BAG2: variants seen among roughly 807,000 people sequenced by gnomAD.
The protein encoded by BAG2 is BAG cochaperone 2, also known as BAG family molecular chaperone regulator 2.
BAG2 carries 8 observed loss-of-function variants against 16.4 expected under a neutral mutation model. That is an observed-to-expected ratio of 0.49 (90% CI 0.29 to 0.88). BAG2 has a LOEUF of 0.88. Ranked by LOEUF, BAG2 falls within the 40% of genes least tolerant of loss-of-function variation. BAG2 has a pLI of 0.09. For missense variants in BAG2, 218 were observed against 248.9 expected, an observed-to-expected ratio of 0.88 and a Z score of 0.84; for synonymous variants, 82 against 89.2, an observed-to-expected ratio of 0.92 and a Z score of 0.46.
At chr6:57,176,867 C>G (rs1382984356) in intron 1 of BAG2, among the ~76,000 whole-genome samples, 1 of 150,128 alleles carries the variant, frequency 6.7e-6, no homozygotes, top group Non-Finnish European at 1.5e-5. Flanking sequence ...GGCACATACT[C>G]TCTCTCCTAG....
chr6:57,175,876 C>T (rs1034659027), intron 1 of BAG2, among the ~76,000 whole-genome samples: 2 of 152,082 alleles, frequency 1.3e-5, no homozygotes, highest in African/African-American at 4.8e-5. Flanking sequence ...CAAGTTAAAC[C>T]CAAAGAGGGG....
intron 1 of BAG2, among the ~76,000 whole-genome samples, chr6:57,175,293 T>C (rs1764247682): frequency 6.6e-6 from 1 of 152,178 alleles, no homozygotes; most frequent in Non-Finnish European, 1.5e-5. Context: ...ATACAACGTT[T>C]TCCTGGCTCA....
intron 1 of BAG2, among the ~76,000 whole-genome samples, chr6:57,180,805 GTC>G (rs1202234667): frequency 3.3e-5 from 5 of 151,640 alleles, no homozygotes; most frequent in Admixed American, 1.3e-4. Context: ...CAAAATAAGA[GTC>G]TCTCTTTAGT....
chr6:57,174,634 A>T (rs988307791), intron 1 of BAG2, among the ~76,000 whole-genome samples: 2 of 152,052 alleles, frequency 1.3e-5, no homozygotes, highest in Admixed American at 6.5e-5. Context: ...TCTTCTTTTT[A>T]AAAAAGTAAT....
intron 1 of BAG2, among the ~76,000 whole-genome samples, chr6:57,174,814 T>C (rs563521727): frequency 1.3e-5 from 2 of 152,336 alleles, no homozygotes; most frequent in East Asian, 1.9e-4. Flanking sequence ...GAAACTCATA[T>C]GTAATTTTGC....
In BAG2 at chr6:57,173,458, C is replaced by T. The variant is rs1030654796; in HGVS notation, c.113+648C>T. The T allele has an allele frequency of 3.0e-6, 3 of 985,248 alleles. No individual in the cohort carries two copies. In the African/African-American group the frequency reaches 5.2e-5, roughly 17 times the overall value. 61.0% of individuals were successfully genotyped at this position (985,248 alleles called of 1,614,324 possible). On this transcript the variant is annotated intron_variant, in intron 1 of 2. Transcript: ENST00000370693. ...CGGGATTCAGCGGTTCCGTTCGTCT[C>T]TCGGTATTTATTGGGCACCTCCCTA... is the stretch of plus-strand genomic sequence containing the variant.
chr6:57,182,195 TATG>T (rs980908031), intron 2 of BAG2, 54 bp downstream of exon 2: 2 of 1,518,762 alleles, frequency 1.3e-6, no homozygotes, highest in Admixed American at 1.7e-5. Flanking sequence ...TTAAAGAGTT[TATG>T]ATAAGTGTGG....
chr6:57,173,054 C>G (rs1157042970), intron 1 of BAG2: 16 of 782,006 alleles, frequency 2.0e-5, no homozygotes, highest in Non-Finnish European at 1.4e-5. Context: ...AGGGCGTTAT[C>G]GGTGGCCACA....
Position 57,182,020 on chromosome 6 carries a change from C to G in BAG2, c.114-12C>G, listed in dbSNP as rs1764462997. ...GCATACAATAACCGTTTTGTTTTCC[C>G]AATTTCTATAGGGTTGAAGCTTTGA... On this transcript the variant is annotated splice_polypyrimidine_tract_variant and intron_variant, in intron 1 of 2. Transcript: ENST00000370693. 4 of 1,610,652 alleles carry G rather than the reference C, an allele frequency of 2.5e-6. No homozygotes were observed. The East Asian group carries it at 8.9e-5, about 36-fold the overall frequency.
intron 1 of BAG2, chr6:57,173,347 A>T (rs1343809576): frequency 4.1e-6 from 4 of 985,326 alleles, no homozygotes; most frequent in Non-Finnish European, 4.8e-6. Flanking sequence ...CAAAGATTAG[A>T]CAGGAGTGAG....
intron 1 of BAG2, chr6:57,174,444 G>A (rs778279120): frequency 2.4e-6 from 3 of 1,256,804 alleles, no homozygotes; most frequent in Non-Finnish European, 3.2e-6. Flanking sequence ...GAAAGCCTCA[G>A]GTTTTGAATA....
chr6:57,175,164 G>A (rs1294193334), intron 1 of BAG2, among the ~76,000 whole-genome samples: 1 of 152,064 alleles, frequency 6.6e-6, no homozygotes, highest in Non-Finnish European at 1.5e-5. Context: ...GTTCTAAATG[G>A]ACTCTGAGTT....
At chr6:57,183,183 T>G (rs1049211346) in intron 2 of BAG2, among the ~76,000 whole-genome samples, 3 of 152,162 alleles carry the variant, frequency 2.0e-5, no homozygotes, top group African/African-American at 7.2e-5. Flanking sequence ...ATCAATGAAT[T>G]AGGAAGTTAC....
chr6:57,181,226 T>C (rs1489211877), intron 1 of BAG2, among the ~76,000 whole-genome samples: 1 of 152,164 alleles, frequency 6.6e-6, no homozygotes, highest in Non-Finnish European at 1.5e-5. Flanking sequence ...GTATATGTCC[T>C]AAGGAAATCC....
rs146039378 is a variant in BAG2 at position 57,188,571 on chromosome 6, TAAAG to T, written c.*4383_*4386del. 4.0e-3 allele frequency: 608 copies of T among 152,112 alleles called. 5 individuals are homozygous for T. Among genetic ancestry groups the T allele is most frequent in the African/African-American group, 0.014 (579 of 41,516 alleles). 9.4% of individuals were successfully genotyped at this position (152,112 alleles called of 1,614,324 possible). A position where few individuals can be genotyped will look rare whatever the true frequency, so the allele number is the denominator to read the frequency against. On this transcript the variant is annotated 3_prime_UTR_variant, in exon 3 of 3. Coordinates refer to ENST00000370693, the MANE Select transcript of BAG2 (RefSeq NM_004282.4). ...GCAAAGTATTATTTTGTGCAAAAAT[TAAAG>T]AGGAGAGTAGAGAGTAGAAAATTGA...
intron 1 of BAG2, among the ~76,000 whole-genome samples, chr6:57,176,650 T>C (rs1162596182): frequency 6.6e-6 from 1 of 152,218 alleles, no homozygotes. Flanking sequence ...CACTGTGGCT[T>C]AACCTGCACC....
At position 57,172,689 on chromosome 6, in the gene BAG2, G is replaced by A; in HGVS notation, c.-9G>A. 6.5e-7 allele frequency: 1 copy of A among 1,530,956 alleles called. No individual in the cohort carries two copies. The highest frequency in any genetic ancestry group is 8.8e-7 in the Non-Finnish European group (1 of 1,138,246). The allele number at this position is 1,530,956 out of a possible 1,614,324, so 94.8% of individuals were successfully genotyped here. On this transcript the variant is annotated 5_prime_UTR_variant, in exon 1 of 3. Coordinates refer to ENST00000370693, the MANE Select transcript of BAG2 (RefSeq NM_004282.4). ...GTGACCTCTTGGCTACCCCGCGTCG[G>A]AGGCTTAGATGGCTCAGGCGAAGAT...
At chr6:57,182,496 G>A (rs1291754025) in intron 2 of BAG2, among the ~76,000 whole-genome samples, 1 of 141,482 alleles carries the variant, frequency 7.1e-6, no homozygotes, top group Non-Finnish European at 1.5e-5. Flanking sequence ...AGCAGAGGAA[G>A]AGGGTGAGAG....
intron 1 of BAG2, 52 bp downstream of exon 1, chr6:57,172,862 C>CGCGGGCGGTTA (rs749358101): frequency 2.2e-6 from 3 of 1,382,832 alleles, no homozygotes; most frequent in South Asian, 3.1e-5. Context: ...GCGGGCGGTT[C>CGCGGGCGGTTA]GCGGGCGGTT....
Sources: gnomAD v4.1 joint callset for allele counts (sites outside exome capture counted in the v4.1 genomes callset) on GRCh38, gnomAD v4.1.1 for gene constraint, MANE v1.5 for transcripts, NCBI Gene and HGNC (gene_info 2026-07-23, HGNC 2026-07-21) for gene names.